The following HEATR9 variants were observed in gnomAD, a reference collection of about 807,000 sequenced individuals.
HEATR9 encodes HEAT repeat containing 9, also known as protein HEATR9.
In HEATR9, 54 loss-of-function variants were observed where a neutral mutation model predicts 68.2. The ratio of observed to expected loss-of-function variants is 0.79; its 90% CI spans 0.64 to 0.99. The LOEUF is 0.99. Among genes scored for constraint, HEATR9 ranks in the 50% least tolerant of loss-of-function variants. The pLI, the probability that HEATR9 is intolerant of heterozygous loss-of-function variation, is 0.00. For synonymous variants in HEATR9, 241 were observed against 253.5 expected (o/e 0.95, Z 0.47); for missense variants, 662 against 679.7 (o/e 0.97, Z 0.29).
At position 35,864,891 on chromosome 17, in the gene HEATR9, C is replaced by T; in HGVS notation, c.321-1G>A. 3 of 1,614,178 alleles carry T rather than the reference C, an allele frequency of 1.9e-6. No individual in the cohort carries two copies. Among genetic ancestry groups the T allele is most frequent in the Non-Finnish European group, 2.5e-6 (3 of 1,180,036 alleles). Reference sequence around the variant, plus strand: ...GGTTTGATGTACCTCTTTGATGTACCTGTGTGAGAAATTGCATAGGCAGCT... The same window carrying T: ...GGTTTGATGTACCTCTTTGATGTACTTGTGTGAGAAATTGCATAGGCAGCT... On this transcript the variant is annotated splice_acceptor_variant, in intron 3 of 14. Coordinates refer to ENST00000604834, the MANE Select transcript of HEATR9 (RefSeq NM_152781.4). LOFTEE classifies it high-confidence loss of function.
At position 35,856,725 on chromosome 17, in the gene HEATR9, C is replaced by T; in HGVS notation, c.1226+7G>A. 6.3e-7 allele frequency: 1 copy of T among 1,598,312 alleles called. No individual in the cohort carries two copies. Among genetic ancestry groups the T allele is most frequent in the Non-Finnish European group, 8.5e-7 (1 of 1,172,022 alleles). ...GATTTGGCCCTGGCAGCTCCCAGGC[C>T]ACTCACGCCTCCACCAAGTTCATCA... On this transcript the variant is annotated splice_region_variant and intron_variant, in intron 12 of 14. Coordinates refer to ENST00000604834, the MANE Select transcript of HEATR9 (RefSeq NM_152781.4).
intron 6 of HEATR9, 198 bp downstream of exon 6, chr17:35,864,048 C>T (rs1193077879): frequency 1.7e-6 from 1 of 585,144 alleles, no homozygotes; most frequent in South Asian, 2.2e-5. Context: ...CAGATTCTTC[C>T]TTCCCTATCT....
intron 6 of HEATR9, 54 bp from the exon 7 acceptor site, chr17:35,863,613 G>A: frequency 6.4e-7 from 1 of 1,558,682 alleles, no homozygotes; most frequent in Non-Finnish European, 8.9e-7. Context: ...GAATGTCAGA[G>A]CTTTAGGGAT....
At chr17:35,856,638 G>T in intron 12 of HEATR9, 94 bp downstream of exon 12, 1 of 1,119,238 alleles carries the variant, frequency 8.9e-7, no homozygotes, top group Non-Finnish European at 1.3e-6. Context: ...AGCTCTCACT[G>T]ACCCTCTGAC....
At chr17:35,860,171 C>T (rs1208387419) in intron 8 of HEATR9, among the ~76,000 whole-genome samples, 2 of 150,908 alleles carry the variant, frequency 1.3e-5, no homozygotes, top group East Asian at 2.0e-4. Context: ...CCAAGGCGGG[C>T]GGATCATGAG....
intron 13 of HEATR9, 94 bp from the exon 14 acceptor site, chr17:35,855,844 CA>C: frequency 1.9e-6 from 2 of 1,060,156 alleles, no homozygotes; most frequent in Non-Finnish European, 2.9e-6. Context: ...GACTCTGCAG[CA>C]TAGAGAGGGG....
intron 7 of HEATR9, 45 bp from the exon 8 acceptor site, chr17:35,863,170 G>T (rs2088059050): frequency 1.2e-6 from 2 of 1,609,606 alleles, no homozygotes; most frequent in South Asian, 2.2e-5. Flanking sequence ...CTCTGGTACT[G>T]CCCCTCTCTG....
Position 35,863,069 on chromosome 17 carries a change from C to A in HEATR9, c.682G>T (p.Glu228Ter). Reference protein sequence around the residue: ...ALIKQLKEKNEGQRMETLTGL... With the variant: ...ALIKQLKEKN ...GTCAAAGTCTCCATCCTTTGACCCTCATTTTTCTCCTTCAGCTGTTTGATG... is the reference window on the plus strand; with the variant it reads ...GTCAAAGTCTCCATCCTTTGACCCTAATTTTTCTCCTTCAGCTGTTTGATG... Residue 228 changes from glutamate to a stop codon, truncating the protein, a stop_gained, in exon 8 of 15, where the codon GAG becomes TAG. Coordinates refer to ENST00000604834, the MANE Select transcript of HEATR9 (RefSeq NM_152781.4). LOFTEE classifies it high-confidence loss of function. 1 of 1,614,194 alleles carries A rather than the reference C, an allele frequency of 6.2e-7. No homozygotes were observed. Among genetic ancestry groups the A allele is most frequent in the Non-Finnish European group, 8.5e-7 (1 of 1,180,038 alleles).
At chr17:35,861,979 C>T (rs1190486088) in intron 8 of HEATR9, among the ~76,000 whole-genome samples, 3 of 151,878 alleles carry the variant, frequency 2.0e-5, no homozygotes, top group African/African-American at 7.3e-5. Context: ...CCTCAGCCTC[C>T]CAAGTAGCTG....
intron 8 of HEATR9, 130 bp downstream of exon 8, chr17:35,862,865 C>A: frequency 7.5e-7 from 1 of 1,330,910 alleles, no homozygotes; most frequent in Non-Finnish European, 1.0e-6. Flanking sequence ...CCCGAGGGAA[C>A]TCCTCAAGGA....
chr17:35,866,880 G>A, intron 1 of HEATR9, 107 bp from the exon 2 acceptor site: 1 of 1,074,944 alleles, frequency 9.3e-7, no homozygotes, highest in Non-Finnish European at 1.4e-6. Context: ...AGCCAAGGCA[G>A]GCAGATCACC....
chr17:35,858,744 G>GTTA, intron 9 of HEATR9, 144 bp downstream of exon 9: 1 of 945,106 alleles, frequency 1.1e-6, no homozygotes, highest in East Asian at 2.4e-5. Flanking sequence ...ATGTCCATAT[G>GTTA]ACCCCATACT....
chr17:35,861,173 G>A, intron 8 of HEATR9: 1 of 1,595,188 alleles, frequency 6.3e-7, no homozygotes, highest in Non-Finnish European at 8.6e-7. Context: ...CGGATAAGAT[G>A]GATGTTTTGC....
rs2087786490 is a variant in HEATR9 at position 35,856,712 on chromosome 17, G to C, written c.1226+20C>G. The C allele has an allele frequency of 1.3e-6, 2 of 1,588,056 alleles. No homozygotes were observed. ...TCCCACAGCCTAGGATTTGGCCCTG[G>C]CAGCTCCCAGGCCACTCACGCCTCC... is the stretch of plus-strand genomic sequence containing the variant. On this transcript the variant is annotated intron_variant, in intron 12 of 14. Transcript: ENST00000604834.
intron 8 of HEATR9, among the ~76,000 whole-genome samples, chr17:35,860,515 A>T (rs1229965801): frequency 6.9e-6 from 1 of 145,570 alleles, no homozygotes; most frequent in Non-Finnish European, 1.5e-5. Flanking sequence ...TTTGAGATGG[A>T]GTCTCGCTCT....
intron 4 of HEATR9, 87 bp downstream of exon 4, chr17:35,864,671 G>A (rs1033947400): frequency 1.1e-5 from 17 of 1,598,606 alleles, no homozygotes; most frequent in Non-Finnish European, 1.0e-5. Flanking sequence ...TTCAGGCAAG[G>A]ACTGAGGGCT....
In HEATR9 at chr17:35,856,683, C is replaced by T. The variant is rs762691555; in HGVS notation, c.1226+49G>A. ...CTGACCCTCTCACTGACCCTCTGCC[C>T]CCTTCCCACAGCCTAGGATTTGGCC... On this transcript the variant is annotated intron_variant, in intron 12 of 14. Transcript: ENST00000604834. The T allele has an allele frequency of 9.9e-6, 15 of 1,511,668 alleles. No homozygotes were observed. The South Asian group carries it at 1.5e-4, about 16-fold the overall frequency. 93.6% of individuals were successfully genotyped at this position (1,511,668 alleles called of 1,614,324 possible). A position where few individuals can be genotyped will look rare whatever the true frequency, so the allele number is the denominator to read the frequency against.
intron 11 of HEATR9, among the ~76,000 whole-genome samples, chr17:35,857,158 G>A (rs867257022): frequency 2.0e-5 from 3 of 152,132 alleles, no homozygotes; most frequent in Non-Finnish European, 4.4e-5. Flanking sequence ...CTGGAGGCAG[G>A]AGAAGGTGCA....
At chr17:35,859,682 ACT>A (rs1270105849) in intron 8 of HEATR9, among the ~76,000 whole-genome samples, 1 of 152,230 alleles carries the variant, frequency 6.6e-6, no homozygotes, top group East Asian at 1.9e-4. Flanking sequence ...CTACAGTCCA[ACT>A]CTCTACTTTG....
Sources: allele counts gnomAD v4.1 joint callset (sites outside exome capture counted in the v4.1 genomes callset), GRCh38; gene constraint gnomAD v4.1.1; transcripts MANE v1.5; gene names NCBI Gene and HGNC (gene_info 2026-07-23, HGNC 2026-07-21).